Variants in SHC3 observed in about 807,000 individuals in gnomAD.
SHC3 encodes SHC adaptor protein 3, also known as SHC-transforming protein 3.
In SHC3, 15 loss-of-function variants were observed where a neutral mutation model predicts 60.4. That is an observed-to-expected ratio of 0.25 (90% confidence interval 0.17 to 0.38). The LOEUF (loss-of-function observed/expected upper bound fraction) is 0.38, where lower values mean the gene tolerates loss of function less well. Ranked by LOEUF, SHC3 falls within the 10% of genes least tolerant of loss-of-function variation. The probability of loss-of-function intolerance (pLI) is 1.00; values close to 1 mark genes in which losing one functional copy is unlikely to be tolerated. For missense variants in SHC3, 677 were observed against 786.1 expected (o/e 0.86, Z 1.66); for synonymous variants, 294 against 325.9 (o/e 0.90, Z 1.05).
chr9:89,107,931 A>T (rs899460654), intron 2 of SHC3, among the ~76,000 whole-genome samples: 2 of 152,264 alleles, frequency 1.3e-5, no homozygotes, highest in Non-Finnish European at 2.9e-5. Flanking sequence ...TGTACCACAT[A>T]AACATTTCAG....
At chr9:89,030,804 C>G (rs1354287044) in intron 11 of SHC3, among the ~76,000 whole-genome samples, 1 of 152,208 alleles carries the variant, frequency 6.6e-6, no homozygotes, top group East Asian at 1.9e-4. Flanking sequence ...TTCCTCCATA[C>G]CAGTGATTTG....
intron 1 of SHC3, among the ~76,000 whole-genome samples, chr9:89,167,693 G>A (rs371011633): frequency 1.3e-5 from 2 of 152,320 alleles, no homozygotes; most frequent in East Asian, 3.9e-4. Flanking sequence ...ATAGAAACAT[G>A]CACGAGTATA....
chr9:89,015,287 T>A (rs1826075493), intron 11 of SHC3, among the ~76,000 whole-genome samples: 1 of 152,216 alleles, frequency 6.6e-6, no homozygotes, highest in African/African-American at 2.4e-5. Context: ...CGACTGACAC[T>A]CACGTAAGTT....
intron 2 of SHC3, among the ~76,000 whole-genome samples, chr9:89,111,757 T>A (rs1174968491): frequency 3.9e-5 from 6 of 152,234 alleles, no homozygotes; most frequent in African/African-American, 1.4e-4. Context: ...AATCCAAACA[T>A]ATACAATAGA....
At chr9:89,027,477 C>T (rs577968907) in intron 11 of SHC3, among the ~76,000 whole-genome samples, 14 of 152,070 alleles carry the variant, frequency 9.2e-5, no homozygotes, top group South Asian at 6.3e-4. Flanking sequence ...CCACCTCACC[C>T]GGCTAATTTT....
chr9:89,034,255 G>T (rs1037426491), intron 11 of SHC3, among the ~76,000 whole-genome samples: 4 of 152,200 alleles, frequency 2.6e-5, no homozygotes, highest in African/African-American at 9.6e-5. Flanking sequence ...TTTTTAAACA[G>T]ATTCCTAGAC....
At chr9:89,173,435 A>ATATGTC (rs1445959373) in intron 1 of SHC3, among the ~76,000 whole-genome samples, 1 of 152,276 alleles carries the variant, frequency 6.6e-6, no homozygotes, top group Non-Finnish European at 1.5e-5. Context: ...ACTCAAAGGT[A>ATATGTC]AGACACCGTG....
Position 89,006,144 on chromosome 9 carries a change from C to G in SHC3, c.*7303G>C, listed in dbSNP as rs1587669402. On this transcript the variant is annotated 3_prime_UTR_variant, in exon 12 of 12. Coordinates refer to ENST00000375835, the MANE Select transcript of SHC3 (RefSeq NM_016848.6). ...TACCTAAATTGGGTGTGTCATCTTC[C>G]CCTCCTGGGTCACAGGATGACACCT... 1 of 152,218 alleles carries G rather than the reference C, an allele frequency of 6.6e-6. No individual in the cohort carries two copies. The highest frequency in any genetic ancestry group is 2.4e-5 in the African/African-American group (1 of 41,454). The allele number at this position is 152,218 out of a possible 1,614,324, so 9.4% of individuals were successfully genotyped here.
Position 89,168,464 on chromosome 9 carries a change from C to CA in SHC3, c.474+9522dup, listed in dbSNP as rs535409985. ...GGGCAACAAGAGCAAAACTCTGTCT[C>CA]AAAAAAAAAAAGTTTCTCTATTTGA... On this transcript the variant is annotated intron_variant, in intron 1 of 11. Transcript: ENST00000375835. Among the ~76,000 whole-genome samples, 924 of 141,960 alleles carry CA rather than the reference C, an allele frequency of 6.5e-3. 6 individuals are homozygous for CA. The highest frequency in any genetic ancestry group is 0.01 in the Non-Finnish European group (662 of 64,626). The allele number at this position is 141,960 out of a possible 152,430, so 93.1% of individuals were successfully genotyped here. A position where few individuals can be genotyped will look rare whatever the true frequency, so the allele number is the denominator to read the frequency against.
At chr9:89,106,024 CA>C (rs1344474009) in intron 2 of SHC3, among the ~76,000 whole-genome samples, 2 of 152,178 alleles carry the variant, frequency 1.3e-5, no homozygotes, top group Non-Finnish European at 2.9e-5. Flanking sequence ...GTGCCAGGTG[CA>C]GCCACAGCAC....
At position 89,080,456 on chromosome 9, in the gene SHC3, T is replaced by C. The variant is rs149339616; in HGVS notation, c.546-2553A>G. Among the ~76,000 whole-genome samples the C allele has an allele frequency of 1.9e-3, 289 of 152,262 alleles. 4 individuals are homozygous for C. The highest frequency in any genetic ancestry group is 6.5e-3 in the African/African-American group (270 of 41,554). ...ATCTTCCCTTCAGAACTGGACTCTT[T>C]GAAATCATGTAGTAGCATCTTTCTC... is the stretch of plus-strand genomic sequence containing the variant. On this transcript the variant is annotated intron_variant, in intron 2 of 11. Coordinates refer to ENST00000375835, the MANE Select transcript of SHC3 (RefSeq NM_016848.6).
At chr9:89,089,004 G>T (rs1825577347) in intron 2 of SHC3, 1 of 152,274 alleles carries the variant, frequency 6.6e-6, no homozygotes, top group Non-Finnish European at 1.5e-5. Context: ...CATCTGCAAA[G>T]CTTCCTGCTG....
intron 1 of SHC3, among the ~76,000 whole-genome samples, chr9:89,177,583 C>T (rs1300268993): frequency 6.6e-6 from 1 of 152,212 alleles, no homozygotes; most frequent in Non-Finnish European, 1.5e-5. Flanking sequence ...GCCGCCACTC[C>T]GTGCATCTCT....
intron 2 of SHC3, chr9:89,109,168 G>A: frequency 1.0e-6 from 1 of 966,936 alleles, no homozygotes; most frequent in Non-Finnish European, 1.2e-6. Flanking sequence ...AATGCAGCCT[G>A]TCTTAATACT....
chr9:89,077,716 G>C (rs1361092595), intron 3 of SHC3, 124 bp downstream of exon 3: 2 of 1,162,732 alleles, frequency 1.7e-6, no homozygotes, highest in Non-Finnish European at 2.5e-6. Flanking sequence ...TCTGCTTTTA[G>C]AAGTAGCAAG....
intron 4 of SHC3, 94 bp from the exon 5 acceptor site, chr9:89,071,346 C>T (rs570401184): frequency 2.0e-5 from 26 of 1,277,944 alleles, no homozygotes; most frequent in Non-Finnish European, 2.7e-5. Flanking sequence ...TACAAATTGA[C>T]ATGTTTTCCT....
intron 5 of SHC3, among the ~76,000 whole-genome samples, chr9:89,066,639 G>A (rs1233516992): frequency 6.6e-6 from 1 of 152,132 alleles, no homozygotes; most frequent in Non-Finnish European, 1.5e-5. Flanking sequence ...GACTCTGTGG[G>A]GCAACTGATA....
intron 11 of SHC3, among the ~76,000 whole-genome samples, chr9:89,018,920 G>A (rs867412634): frequency 2.0e-5 from 3 of 151,440 alleles, no homozygotes; most frequent in African/African-American, 2.4e-5. Flanking sequence ...TTAGCCGGAC[G>A]TCATGGTGGG....
At chr9:89,145,125 A>G (rs189275142) in intron 1 of SHC3, among the ~76,000 whole-genome samples, 34 of 152,338 alleles carry the variant, frequency 2.2e-4, no homozygotes, top group Non-Finnish European at 4.6e-4. Context: ...GAAGAGTTGT[A>G]AAGAATAAGC....
Sources: allele counts gnomAD v4.1 joint callset (sites outside exome capture counted in the v4.1 genomes callset), GRCh38; gene constraint gnomAD v4.1.1; transcripts MANE v1.5; gene names NCBI Gene and HGNC (gene_info 2026-07-23, HGNC 2026-07-21).